PRKAR1B: variants seen among roughly 807,000 people sequenced by gnomAD.
The protein encoded by PRKAR1B is cAMP-dependent protein kinase type I-beta regulatory subunit.
Under a neutral mutation model 46.5 loss-of-function variants are expected in PRKAR1B, and 22 were observed. The ratio of observed to expected loss-of-function variants is 0.47; its 90% confidence interval spans 0.34 to 0.68. The LOEUF is 0.68. Ranked by LOEUF, PRKAR1B falls within the 30% of genes least tolerant of loss-of-function variation. The pLI is 0.01. For missense variants in PRKAR1B, 445 were observed against 535.6 expected (o/e 0.83, Z 1.67); for synonymous variants, 259 against 217.7 (o/e 1.19, Z -1.67).
At chr7:569,812 G>A (rs926154055) in intron 9 of PRKAR1B, among the ~76,000 whole-genome samples, 1 of 152,148 alleles carries the variant, frequency 6.6e-6, no homozygotes, top group Non-Finnish European at 1.5e-5. Context: ...CACCCGTAAT[G>A]ACCCTGGCCA....
chr7:559,655 G>A (rs916890024), intron 9 of PRKAR1B, among the ~76,000 whole-genome samples: 6 of 152,208 alleles, frequency 3.9e-5, no homozygotes, highest in Admixed American at 2.0e-4. Context: ...GACGCCACAC[G>A]CGTGTGCAGG....
chr7:627,870 G>A (rs977221731), intron 4 of PRKAR1B, among the ~76,000 whole-genome samples: 2 of 152,214 alleles, frequency 1.3e-5, no homozygotes, highest in Non-Finnish European at 1.5e-5. Context: ...GCTATGTACA[G>A]GCAGGTCTGT....
At chr7:554,002 C>A (rs1784412924) in intron 9 of PRKAR1B, among the ~76,000 whole-genome samples, 1 of 152,288 alleles carries the variant, frequency 6.6e-6, no homozygotes, top group African/African-American at 2.4e-5. Flanking sequence ...CCCACAGACT[C>A]AGACCCCGGG....
At chr7:693,644 T>C (rs113418858) in intron 2 of PRKAR1B, among the ~76,000 whole-genome samples, 1 of 152,144 alleles carries the variant, frequency 6.6e-6, no homozygotes, top group Non-Finnish European at 1.5e-5. Context: ...GTTTGTCCTC[T>C]CGAGCTGACG....
At chr7:661,445 C>T (rs1300158214) in intron 4 of PRKAR1B, among the ~76,000 whole-genome samples, 1 of 87,260 alleles carries the variant, frequency 1.1e-5, no homozygotes, top group Non-Finnish European at 2.3e-5. Context: ...GTCCAAATAC[C>T]TACTCTCCCC....
At chr7:698,202 C>G (rs1326346431) in intron 2 of PRKAR1B, among the ~76,000 whole-genome samples, 2 of 151,780 alleles carry the variant, frequency 1.3e-5, no homozygotes, top group African/African-American at 4.8e-5. Context: ...GCCAGGAGTT[C>G]AAGACCAGCC....
chr7:556,452 G>A (rs1449863409), intron 9 of PRKAR1B, among the ~76,000 whole-genome samples: 1 of 152,150 alleles, frequency 6.6e-6, no homozygotes, highest in Admixed American at 6.5e-5. Flanking sequence ...CTCTGGGGAC[G>A]TCCAGGAACG....
chr7:571,234 G>A (rs762291711), intron 9 of PRKAR1B, among the ~76,000 whole-genome samples: 3 of 151,960 alleles, frequency 2.0e-5, no homozygotes, highest in South Asian at 2.1e-4. Context: ...GCCTCGCAGC[G>A]CAGGCCGGGT....
At chr7:709,282 A>C (rs1478600208) in intron 2 of PRKAR1B, among the ~76,000 whole-genome samples, 1 of 152,114 alleles carries the variant, frequency 6.6e-6, no homozygotes, top group Non-Finnish European at 1.5e-5. Flanking sequence ...ACGTGACTGC[A>C]ACTAAGACTT....
chr7:715,932 G>C (rs557003810), intron 1 of PRKAR1B, among the ~76,000 whole-genome samples: 2 of 152,084 alleles, frequency 1.3e-5, no homozygotes, highest in Admixed American at 6.5e-5. Context: ...AGCCAGGATG[G>C]TCTCGGTCTC....
At chr7:616,416 C>A (rs1298812297) in intron 4 of PRKAR1B, among the ~76,000 whole-genome samples, 1 of 152,272 alleles carries the variant, frequency 6.6e-6, no homozygotes, top group East Asian at 1.9e-4. Context: ...CTGCCTGGCT[C>A]ACTTTGTCCT....
intron 4 of PRKAR1B, among the ~76,000 whole-genome samples, chr7:660,908 C>CTT (rs1460811298): frequency 7.0e-5 from 9 of 129,070 alleles, no homozygotes; most frequent in Middle Eastern, 4.9e-3. Flanking sequence ...AATACCTACT[C>CTT]TCCCCCCATG....
intron 1 of PRKAR1B, chr7:712,973 C>T (rs1169513687): frequency 2.0e-5 from 3 of 152,282 alleles, no homozygotes; most frequent in African/African-American, 7.3e-5. Flanking sequence ...CCCGCTTCCC[C>T]AGGTGACTCC....
intron 2 of PRKAR1B, among the ~76,000 whole-genome samples, chr7:692,446 A>G (rs549053480): frequency 1.3e-5 from 2 of 148,908 alleles, no homozygotes; most frequent in South Asian, 2.1e-4. Context: ...GAGAGAGAGA[A>G]GGAGAAGAGA....
chr7:689,232 C>T (rs1435001622), intron 2 of PRKAR1B, among the ~76,000 whole-genome samples: 1 of 152,114 alleles, frequency 6.6e-6, no homozygotes, highest in Non-Finnish European at 1.5e-5. Flanking sequence ...TGCCATTCTC[C>T]TGCCTCAGCC....
chr7:633,391 G>A (rs193073960), intron 4 of PRKAR1B, among the ~76,000 whole-genome samples: 10 of 152,238 alleles, frequency 6.6e-5, no homozygotes, highest in East Asian at 1.9e-4. Context: ...CCAGGAAGGC[G>A]GCAAGACTTC....
chr7:568,363 C>T (rs1779298055), intron 9 of PRKAR1B, among the ~76,000 whole-genome samples: 1 of 152,226 alleles, frequency 6.6e-6, no homozygotes, highest in African/African-American at 2.4e-5. Flanking sequence ...GACAGCAGGG[C>T]CAGCAGGCCA....
chr7:654,667 T>C (rs1463692557), intron 4 of PRKAR1B, among the ~76,000 whole-genome samples: 1 of 143,872 alleles, frequency 7.0e-6, no homozygotes, highest in Non-Finnish European at 1.5e-5. Context: ...TCACCATCAA[T>C]ATCTTCACCA....
intron 2 of PRKAR1B, among the ~76,000 whole-genome samples, chr7:697,481 C>G (rs530050750): frequency 6.6e-6 from 1 of 152,160 alleles, no homozygotes; most frequent in African/African-American, 2.4e-5. Flanking sequence ...TAGGCTTCCA[C>G]GGGGTCATCC....
Sources: allele counts gnomAD v4.1 joint callset (sites outside exome capture counted in the v4.1 genomes callset), GRCh38; gene constraint gnomAD v4.1.1; transcripts MANE v1.5; gene names NCBI Gene and HGNC (gene_info 2026-07-23, HGNC 2026-07-21).